Variants in DNAH7 observed in about 807,000 individuals in gnomAD.
DNAH7 encodes the protein dynein axonemal heavy chain 7, also known as axonemal beta dynein heavy chain 7.
DNAH7 carries 397 observed loss-of-function variants against 444.6 expected under a neutral mutation model. The observed-to-expected ratio is 0.89, with a 90% CI of 0.82 to 0.97. DNAH7 has a LOEUF of 0.97. DNAH7 is among the 50% of genes least tolerant of loss of function. DNAH7 has a pLI of 0.00. For synonymous variants in DNAH7, 1,636 were observed against 1,624.4 expected (o/e 1.01, Z -0.17); for missense variants, 4,902 against 4,800.8 (o/e 1.02, Z -0.62).
intron 61 of DNAH7, among the ~76,000 whole-genome samples, chr2:195,771,065 T>C (rs1011532321): frequency 5.9e-5 from 9 of 151,860 alleles, no homozygotes; most frequent in Non-Finnish European, 1.0e-4. Context: ...CTCACACCTA[T>C]AGTCCCTGCA....
chr2:195,991,600 A>C (rs183806327), intron 12 of DNAH7, among the ~76,000 whole-genome samples: 128 of 152,366 alleles, frequency 8.4e-4, no homozygotes, highest in African/African-American at 3.0e-3. Flanking sequence ...AGCAAACTAC[A>C]TATCAACTTC....
At chr2:195,748,801 G>A (rs1182127563) in intron 63 of DNAH7, among the ~76,000 whole-genome samples, 1 of 152,138 alleles carries the variant, frequency 6.6e-6, no homozygotes, top group Non-Finnish European at 1.5e-5. Flanking sequence ...AGCTGAAACT[G>A]GATCCCTTCC....
chr2:195,783,919 T>C (rs1695499527), intron 58 of DNAH7, among the ~76,000 whole-genome samples: 1 of 152,182 alleles, frequency 6.6e-6, no homozygotes, highest in Non-Finnish European at 1.5e-5. Flanking sequence ...TTTGTACTTT[T>C]TTTTTTTAAG....
rs757421205 is a variant in DNAH7 at position 196,001,761 on chromosome 2, A to C, written c.1087T>G (p.Cys363Gly). 1 of 1,613,094 alleles carries C rather than the reference A, an allele frequency of 6.2e-7. No homozygotes were observed. Among genetic ancestry groups the C allele is most frequent in the Admixed American group, 1.7e-5 (1 of 59,884 alleles). The change falls in exon 11 of 65, where the codon TGT (cysteine) becomes GGT (glycine). Residue 363 changes from cysteine (C) to glycine (G), a missense_variant. Transcript: ENST00000312428. ...TGTAAAGTCATAAGTGCAGCAGCAC[A>C]GTTGAAAAAAGATTCCAATTTGGCA... is the stretch of plus-strand genomic sequence containing the variant. Reference protein sequence around the residue: ...SSAKLESFFNCAAALMTLQLQ... With the variant: ...SSAKLESFFNGAAALMTLQLQ...
At chr2:195,820,732 T>G (rs1198934121) in intron 49 of DNAH7, among the ~76,000 whole-genome samples, 1 of 152,206 alleles carries the variant, frequency 6.6e-6, no homozygotes, top group Non-Finnish European at 1.5e-5. Flanking sequence ...AATGCCATTT[T>G]GGCATACCGA....
chr2:195,955,210 A>G (rs1690562878), intron 19 of DNAH7, among the ~76,000 whole-genome samples: 2 of 152,182 alleles, frequency 1.3e-5, no homozygotes, highest in African/African-American at 4.8e-5. Context: ...TATAAGGTGT[A>G]AGGAAGGGAT....
intron 19 of DNAH7, among the ~76,000 whole-genome samples, chr2:195,943,162 A>G (rs982339154): frequency 2.0e-5 from 3 of 152,130 alleles, no homozygotes; most frequent in African/African-American, 7.2e-5. Flanking sequence ...GCCATGTGGA[A>G]CTGTAAGTCA....
At chr2:195,945,445 T>C (rs1292220044) in intron 19 of DNAH7, among the ~76,000 whole-genome samples, 1 of 152,044 alleles carries the variant, frequency 6.6e-6, no homozygotes, top group Non-Finnish European at 1.5e-5. Flanking sequence ...TAAGTCCTGT[T>C]GGAAAAAAAA....
At chr2:195,813,955 G>C (rs1178264388) in intron 51 of DNAH7, among the ~76,000 whole-genome samples, 2 of 152,194 alleles carry the variant, frequency 1.3e-5, no homozygotes, top group East Asian at 3.8e-4. Context: ...ACACAAAAAA[G>C]CAGACACTGT....
intron 63 of DNAH7, among the ~76,000 whole-genome samples, chr2:195,746,832 G>C (rs1300393128): frequency 2.0e-5 from 3 of 152,092 alleles, no homozygotes; most frequent in Non-Finnish European, 4.4e-5. Context: ...GAATCTCTGG[G>C]ACACATTCAA....
At chr2:195,817,921 C>A (rs1697299714) in intron 49 of DNAH7, 92 bp from the exon 50 acceptor site, 1 of 896,940 alleles carries the variant, frequency 1.1e-6, no homozygotes, top group South Asian at 2.0e-5. Flanking sequence ...AAAATAGACT[C>A]TATTTACTAT....
intron 23 of DNAH7, 45 bp downstream of exon 23, chr2:195,923,550 G>C (rs752042913): frequency 3.6e-5 from 57 of 1,575,566 alleles, no homozygotes; most frequent in South Asian, 5.6e-5. Flanking sequence ...TTAAAACTAC[G>C]AGCTGAAATT....
chr2:195,861,471 T>C (rs1366422045), intron 42 of DNAH7, among the ~76,000 whole-genome samples: 1 of 152,196 alleles, frequency 6.6e-6, no homozygotes, highest in Admixed American at 6.5e-5. Flanking sequence ...ACAGCTCTGG[T>C]TGGAATATCT....
At chr2:195,907,901 T>C (rs771882840) in intron 25 of DNAH7, among the ~76,000 whole-genome samples, 4 of 152,136 alleles carry the variant, frequency 2.6e-5, no homozygotes, top group Non-Finnish European at 5.9e-5. Context: ...CTCTAATGCA[T>C]GGCGACAGAT....
At chr2:195,871,109 T>C (rs1042155156) in intron 40 of DNAH7, among the ~76,000 whole-genome samples, 3 of 152,182 alleles carry the variant, frequency 2.0e-5, no homozygotes, top group Admixed American at 1.3e-4. Context: ...GGAGACCTTG[T>C]TGTGGCCAAA....
chr2:196,005,679 A>G (rs938563452), intron 10 of DNAH7, among the ~76,000 whole-genome samples: 5 of 152,142 alleles, frequency 3.3e-5, no homozygotes, highest in African/African-American at 1.2e-4. Context: ...AGAAAATATC[A>G]ATAAACCTGT....
intron 15 of DNAH7, among the ~76,000 whole-genome samples, chr2:195,980,449 A>G (rs1454852789): frequency 6.6e-6 from 1 of 152,186 alleles, no homozygotes; most frequent in Non-Finnish European, 1.5e-5. Context: ...GTATTTCTTC[A>G]TATCAGCATG....
At chr2:195,985,260 C>G (rs1425649749) in intron 14 of DNAH7, among the ~76,000 whole-genome samples, 2 of 151,960 alleles carry the variant, frequency 1.3e-5, no homozygotes, top group Non-Finnish European at 2.9e-5. Context: ...ACGAATAGAA[C>G]AATTCTTCAG....
intron 64 of DNAH7, 21 bp from the exon 65 acceptor site, chr2:195,738,148 C>T (rs767846597): frequency 9.4e-6 from 15 of 1,600,618 alleles, no homozygotes; most frequent in Non-Finnish European, 1.2e-5. Flanking sequence ...GTACATAACA[C>T]CTCTTTAAGT....
Sources: gnomAD v4.1 joint callset for allele counts (sites outside exome capture counted in the v4.1 genomes callset) on GRCh38, gnomAD v4.1.1 for gene constraint, MANE v1.5 for transcripts, NCBI Gene and HGNC (gene_info 2026-07-23, HGNC 2026-07-21) for gene names.